The following ASIC2 variants were observed in gnomAD, a reference collection of about 807,000 sequenced individuals.
ASIC2 encodes the protein acid-sensing ion channel 2.
A neutral mutation model predicts 57.3 loss-of-function variants in ASIC2; 25 were observed. The ratio of observed to expected loss-of-function variants is 0.44; its 90% CI spans 0.32 to 0.61. ASIC2 has a LOEUF of 0.61. Among genes scored for constraint, ASIC2 ranks in the 20% least tolerant of loss-of-function variants. The pLI, the probability that ASIC2 is intolerant of heterozygous loss-of-function variation, is 0.06. For synonymous variants in ASIC2, 319 were observed against 307.5 expected (o/e 1.04, Z -0.39); for missense variants, 641 against 738.1 (o/e 0.87, Z 1.52).
intron 1 of ASIC2, among the ~76,000 whole-genome samples, chr17:33,894,942 G>A (rs568450468): frequency 2.0e-5 from 3 of 152,212 alleles, no homozygotes; most frequent in South Asian, 2.1e-4. Flanking sequence ...CATCCTGAAT[G>A]CATGAACTAC....
chr17:34,002,172 T>C (rs1394604587), intron 1 of ASIC2: 1 of 152,262 alleles, frequency 6.6e-6, no homozygotes, highest in Non-Finnish European at 1.5e-5. Flanking sequence ...TACACTGTTT[T>C]GTGATAGGAC....
chr17:33,683,524 A>G (rs1004298771), intron 1 of ASIC2, among the ~76,000 whole-genome samples: 1 of 152,198 alleles, frequency 6.6e-6, no homozygotes, highest in Non-Finnish European at 1.5e-5. Context: ...GGCACATGCC[A>G]TCATGCCCAG....
At chr17:34,065,532 T>C (rs1004671725) in intron 1 of ASIC2, among the ~76,000 whole-genome samples, 20 of 152,174 alleles carry the variant, frequency 1.3e-4, no homozygotes, top group Admixed American at 1.1e-3. Context: ...TAAAACATAT[T>C]TTTTTAAAAA....
Position 33,396,377 on chromosome 17 carries a change from G to T in ASIC2, c.556-284310C>A, listed in dbSNP as rs1910077553. Among the ~76,000 whole-genome samples the T allele has an allele frequency of 2.0e-5, 3 of 152,164 alleles. No homozygotes were observed. The South Asian group carries it at 6.2e-4, about 32-fold the overall frequency. On this transcript the variant is annotated intron_variant, in intron 1 of 9. Transcript: ENST00000359872. ...AAAATATCACATTTCCTGAATATCTGCTATGTACTAGGCATACATAGGCCT... is the reference window on the plus strand; with the variant it reads ...AAAATATCACATTTCCTGAATATCTTCTATGTACTAGGCATACATAGGCCT...
chr17:34,048,811 T>C (rs1908434011), intron 1 of ASIC2, among the ~76,000 whole-genome samples: 1 of 152,218 alleles, frequency 6.6e-6, no homozygotes, highest in African/African-American at 2.4e-5. Flanking sequence ...TCGTGGGAAC[T>C]ATAGACCAGC....
At chr17:33,390,835 A>T (rs1283170112) in intron 1 of ASIC2, among the ~76,000 whole-genome samples, 3 of 152,202 alleles carry the variant, frequency 2.0e-5, no homozygotes, top group Non-Finnish European at 1.5e-5. Flanking sequence ...GTCATCTCAG[A>T]GGTAATATCT....
chr17:33,692,214 C>T (rs918401768), intron 1 of ASIC2: 2 of 152,138 alleles, frequency 1.3e-5, no homozygotes. Context: ...GGTTTGTATC[C>T]TTCCTGTGCT....
intron 1 of ASIC2, among the ~76,000 whole-genome samples, chr17:33,359,882 G>A (rs1908530191): frequency 6.6e-6 from 1 of 152,146 alleles, no homozygotes; most frequent in South Asian, 2.1e-4. Context: ...CTGCATCTCT[G>A]TTAAGCCTGA....
intron 1 of ASIC2, among the ~76,000 whole-genome samples, chr17:34,132,956 T>C (rs1477485672): frequency 6.6e-6 from 1 of 152,214 alleles, no homozygotes; most frequent in Non-Finnish European, 1.5e-5. Flanking sequence ...GGCCCCAATC[T>C]AACCCATCGC....
At chr17:33,332,807 C>T (rs1027404446) in intron 1 of ASIC2, among the ~76,000 whole-genome samples, 1 of 152,208 alleles carries the variant, frequency 6.6e-6, no homozygotes, top group Non-Finnish European at 1.5e-5. Flanking sequence ...AGGAGAATCA[C>T]TTGAACCCAG....
At chr17:33,588,916 C>T (rs1904733458) in intron 1 of ASIC2, among the ~76,000 whole-genome samples, 1 of 152,194 alleles carries the variant, frequency 6.6e-6, no homozygotes, top group African/African-American at 2.4e-5. Context: ...TCAGTCAATT[C>T]ACTTGCTGTG....
At chr17:33,030,008 T>G (rs916746517) in intron 3 of ASIC2, among the ~76,000 whole-genome samples, 1 of 152,234 alleles carries the variant, frequency 6.6e-6, no homozygotes, top group Non-Finnish European at 1.5e-5. Flanking sequence ...TGTTCATATA[T>G]TCTGGATTCA....
intron 1 of ASIC2, among the ~76,000 whole-genome samples, chr17:33,439,608 C>T (rs1911755206): frequency 1.3e-5 from 2 of 152,138 alleles, no homozygotes; most frequent in Non-Finnish European, 2.9e-5. Context: ...AGTGGGGTTT[C>T]AGGCATGTTG....
chr17:33,759,521 G>C (rs1165092435), intron 1 of ASIC2, among the ~76,000 whole-genome samples: 1 of 152,184 alleles, frequency 6.6e-6, no homozygotes, highest in East Asian at 1.9e-4. Flanking sequence ...GGATAGAAGG[G>C]AGCCAGGTTC....
chr17:34,111,307 ATATAT>A (rs1010533420), intron 1 of ASIC2, among the ~76,000 whole-genome samples: 9 of 148,288 alleles, frequency 6.1e-5, no homozygotes, highest in South Asian at 2.1e-4. Context: ...TATAATGTAT[ATATAT>A]TATATTATAT....
At chr17:33,509,750 A>C (rs1241352747) in intron 1 of ASIC2, among the ~76,000 whole-genome samples, 1 of 152,234 alleles carries the variant, frequency 6.6e-6, no homozygotes, top group Admixed American at 6.5e-5. Flanking sequence ...AGAATATTTC[A>C]GCAATTCACT....
At chr17:33,397,973 GT>G (rs1310466806) in intron 1 of ASIC2, among the ~76,000 whole-genome samples, 1 of 152,164 alleles carries the variant, frequency 6.6e-6, no homozygotes, top group Non-Finnish European at 1.5e-5. Flanking sequence ...CAGGATCATA[GT>G]GGAAAAAAAA....
intron 1 of ASIC2, among the ~76,000 whole-genome samples, chr17:33,359,966 T>C (rs1908533738): frequency 6.6e-6 from 1 of 152,196 alleles, no homozygotes; most frequent in Non-Finnish European, 1.5e-5. Context: ...ACTTTTTATC[T>C]TATTTAAGCC....
At chr17:33,803,586 CTTTTTTTTTT>C (rs961357779) in intron 1 of ASIC2, among the ~76,000 whole-genome samples, 8 of 96,870 alleles carry the variant, frequency 8.3e-5, no homozygotes, top group East Asian at 2.8e-4. Context: ...TTTCCCTTTT[CTTTTTTTTTT>C]TTTTTTTTTT....
Sources: gnomAD v4.1 joint callset for allele counts (sites outside exome capture counted in the v4.1 genomes callset) on GRCh38, gnomAD v4.1.1 for gene constraint, MANE v1.5 for transcripts, NCBI Gene and HGNC (gene_info 2026-07-23, HGNC 2026-07-21) for gene names.